EXOC6: variants seen among roughly 807,000 people sequenced by gnomAD.
EXOC6 encodes the protein exocyst complex component 6, also known as SEC15-like 1.
Under a neutral mutation model 112.5 loss-of-function variants are expected in EXOC6, and 60 were observed. The ratio of observed to expected loss-of-function variants is 0.53; its 90% CI spans 0.43 to 0.66. The LOEUF is 0.66. EXOC6 is among the 30% of genes least tolerant of loss of function. EXOC6 has a pLI of 0.00. For synonymous variants in EXOC6, 295 were observed against 308.0 expected, an observed-to-expected ratio of 0.96 and a Z score of 0.44; for missense variants, 855 against 957.1, an observed-to-expected ratio of 0.89 and a Z score of 1.41.
intron 19 of EXOC6, among the ~76,000 whole-genome samples, chr10:93,010,029 A>T (rs1170031739): frequency 6.6e-6 from 1 of 152,234 alleles, no homozygotes; most frequent in African/African-American, 2.4e-5. Context: ...GTTTGTACTA[A>T]GGTAGAAACA....
At chr10:92,878,654 A>T (rs1346832353) in intron 1 of EXOC6, among the ~76,000 whole-genome samples, 1 of 152,054 alleles carries the variant, frequency 6.6e-6, no homozygotes, top group Non-Finnish European at 1.5e-5. Flanking sequence ...GTGCCAAATT[A>T]TCATTTTTAG....
At chr10:92,839,526 G>A (rs1683188812) in intron 1 of EXOC6, among the ~76,000 whole-genome samples, 1 of 152,176 alleles carries the variant, frequency 6.6e-6, no homozygotes, top group South Asian at 2.1e-4. Flanking sequence ...TATGGTCCTA[G>A]GATAGGGTAG....
chr10:92,943,900 A>G (rs1478671507), intron 13 of EXOC6, among the ~76,000 whole-genome samples: 1 of 152,182 alleles, frequency 6.6e-6, no homozygotes, highest in Non-Finnish European at 1.5e-5. Context: ...CCACTTTCTG[A>G]TCGCCCTACC....
intron 18 of EXOC6, among the ~76,000 whole-genome samples, chr10:92,988,800 T>TACACACAC (rs67242778): frequency 0.012 from 1,713 of 143,070 alleles, 62 homozygotes; most frequent in East Asian, 0.11. Context: ...CTACAAAAAA[T>TACACACAC]ACACACACAC....
At chr10:93,042,434 A>G (rs1845824018) in intron 20 of EXOC6, among the ~76,000 whole-genome samples, 3 of 152,228 alleles carry the variant, frequency 2.0e-5, no homozygotes, top group Admixed American at 1.3e-4. Flanking sequence ...AACTTCTTAA[A>G]TCCAAAGACT....
chr10:93,021,332 A>AC (rs1288348614), intron 20 of EXOC6, among the ~76,000 whole-genome samples: 1 of 151,982 alleles, frequency 6.6e-6, no homozygotes, highest in Non-Finnish European at 1.5e-5. Flanking sequence ...AACAAAACAA[A>AC]CCAAACAAAA....
chr10:92,967,268 G>A (rs1480717491), intron 17 of EXOC6, among the ~76,000 whole-genome samples: 1 of 152,038 alleles, frequency 6.6e-6, no homozygotes. Flanking sequence ...AGTTTCTTTT[G>A]CTGTGCAGAA....
chr10:92,916,726 G>T (rs1000216758), intron 7 of EXOC6, among the ~76,000 whole-genome samples: 1 of 152,126 alleles, frequency 6.6e-6, no homozygotes, highest in African/African-American at 2.4e-5. Context: ...GTCTGTGCAT[G>T]TCCTGGATTT....
intron 1 of EXOC6, among the ~76,000 whole-genome samples, chr10:92,887,255 C>G (rs1849266133): frequency 6.6e-6 from 1 of 151,962 alleles, no homozygotes; most frequent in Non-Finnish European, 1.5e-5. Flanking sequence ...ACCTTTTCTC[C>G]TTTCTTGCCT....
chr10:93,052,239 A>G (rs1846330672), intron 20 of EXOC6, among the ~76,000 whole-genome samples: 1 of 152,232 alleles, frequency 6.6e-6, no homozygotes. Context: ...GTCTGCCTAG[A>G]TTCATTGTGT....
In EXOC6 at chr10:93,014,274, T is replaced by C; in HGVS notation, c.2169+7T>C. 1 of 1,607,354 alleles carries C rather than the reference T, an allele frequency of 6.2e-7. No homozygotes were observed. The highest frequency in any genetic ancestry group is 8.5e-7 in the Non-Finnish European group (1 of 1,174,320). ...ATTCATTGACCTCAGACAAGTAAGA[T>C]ATAATAATGTACTTCCCATTTGTTG... On this transcript the variant is annotated splice_region_variant and intron_variant, in intron 20 of 21. Transcript: ENST00000260762.
chr10:92,980,816 A>G (rs1270649126), intron 18 of EXOC6, among the ~76,000 whole-genome samples: 4 of 152,202 alleles, frequency 2.6e-5, no homozygotes, highest in East Asian at 1.9e-4. Flanking sequence ...ATTAGAAAAT[A>G]TAGCCAAGTA....
chr10:92,941,529 A>G (rs559416611), intron 13 of EXOC6, among the ~76,000 whole-genome samples: 1 of 152,304 alleles, frequency 6.6e-6, no homozygotes, highest in Admixed American at 6.5e-5. Flanking sequence ...TGGCTGTAAC[A>G]TTTATAATCA....
chr10:92,852,079 A>G (rs912913089), intron 1 of EXOC6, among the ~76,000 whole-genome samples: 9 of 152,226 alleles, frequency 5.9e-5, no homozygotes, highest in Non-Finnish European at 1.2e-4. Flanking sequence ...CAAAAAATGT[A>G]TATATATTAT....
At chr10:92,918,705 T>C (rs948579350) in intron 7 of EXOC6, among the ~76,000 whole-genome samples, 25 of 152,186 alleles carry the variant, frequency 1.6e-4, no homozygotes, top group Non-Finnish European at 2.8e-4. Context: ...ATTGTAGGCG[T>C]GAGCCACCAC....
rs1178540100 is a variant in EXOC6, at chr10:92,898,402, C to T, written c.413-1197C>T. Among the ~76,000 whole-genome samples the T allele has an allele frequency of 4.0e-5, 6 of 149,018 alleles. No individual in the cohort carries two copies. The Admixed American group carries it at 4.0e-4, about 10-fold the overall frequency. ...CCATGATCGTGCCACTGCCCTGTAA[C>T]CTGGGTGACAGAGTGAGACCTTGTC... On this transcript the variant is annotated intron_variant, in intron 4 of 21. Coordinates refer to ENST00000260762, the MANE Select transcript of EXOC6 (RefSeq NM_019053.6).
chr10:92,975,477 G>A (rs1463143240), intron 18 of EXOC6, among the ~76,000 whole-genome samples: 14 of 149,320 alleles, frequency 9.4e-5, no homozygotes, highest in African/African-American at 3.5e-4. Context: ...AGGGAGGTGG[G>A]GGGGGTCAGC....
At chr10:92,941,813 G>C (rs1484358462) in intron 13 of EXOC6, among the ~76,000 whole-genome samples, 1 of 152,144 alleles carries the variant, frequency 6.6e-6, no homozygotes, top group Non-Finnish European at 1.5e-5. Context: ...ACTTTTTAGT[G>C]ACATGAGAAG....
intron 5 of EXOC6, among the ~76,000 whole-genome samples, chr10:92,904,956 G>A (rs1464828414): frequency 6.6e-6 from 1 of 151,646 alleles, no homozygotes; most frequent in Non-Finnish European, 1.5e-5. Context: ...GATCTATTTT[G>A]AATTAATTTT....
Sources: allele counts gnomAD v4.1 joint callset (sites outside exome capture counted in the v4.1 genomes callset), GRCh38; gene constraint gnomAD v4.1.1; transcripts MANE v1.5; gene names NCBI Gene and HGNC (gene_info 2026-07-23, HGNC 2026-07-21).